Variants in MSI2 observed in about 807,000 individuals in gnomAD.
MSI2 encodes musashi RNA binding protein 2.
MSI2 carries 17 observed loss-of-function variants against 45.6 expected under a neutral mutation model. The observed-to-expected ratio is 0.37, with a 90% CI of 0.26 to 0.56. MSI2 has a LOEUF of 0.56. Among genes scored for constraint, MSI2 ranks in the 20% least tolerant of loss-of-function variants. MSI2 has a pLI of 0.77. For synonymous variants in MSI2, 156 were observed against 158.2 expected (o/e 0.99, Z 0.11); for missense variants, 293 against 444.2 (o/e 0.66, Z 3.06).
intron 6 of MSI2, among the ~76,000 whole-genome samples, chr17:57,420,673 G>A (rs1004515727): frequency 6.6e-6 from 1 of 152,172 alleles, no homozygotes; most frequent in African/African-American, 2.4e-5. Flanking sequence ...CTGCCCATCT[G>A]GCAAGCTCCA....
intron 5 of MSI2, among the ~76,000 whole-genome samples, chr17:57,272,883 AACACAGTGTGTATTTACTGAT>A (rs2143292783): frequency 6.6e-6 from 1 of 152,308 alleles, no homozygotes; most frequent in Admixed American, 6.5e-5. Context: ...AGTGGGTGGA[AACACAGTGTGTATTTACTGAT>A]ACACTCTATT....
chr17:57,519,573 C>A (rs1216084869), intron 6 of MSI2, among the ~76,000 whole-genome samples: 1 of 152,036 alleles, frequency 6.6e-6, no homozygotes, highest in African/African-American at 2.4e-5. Flanking sequence ...AGGAAGAGAC[C>A]CAATATCCTC....
chr17:57,482,480 C>T (rs572394615), intron 6 of MSI2, among the ~76,000 whole-genome samples: 2 of 152,246 alleles, frequency 1.3e-5, no homozygotes, highest in East Asian at 1.9e-4. Context: ...ATTGTACTTA[C>T]GAAATATATT....
the MSI2 span, among the ~76,000 whole-genome samples, chr17:57,697,527 C>T: frequency 6.6e-6 from 1 of 152,128 alleles, no homozygotes; most frequent in Non-Finnish European, 1.5e-5. Context: ...CTTGAAGTCG[C>T]CCTACCCATC....
At chr17:57,651,816 GA>G (rs879382405) in intron 10 of MSI2, among the ~76,000 whole-genome samples, 4 of 152,094 alleles carry the variant, frequency 2.6e-5, no homozygotes, top group Non-Finnish European at 4.4e-5. Flanking sequence ...TGCTTCTCAA[GA>G]AAAAAATTCC....
intron 11 of MSI2, among the ~76,000 whole-genome samples, chr17:57,655,186 G>A (rs1911503568): frequency 6.6e-6 from 1 of 152,112 alleles, no homozygotes; most frequent in South Asian, 2.1e-4. Flanking sequence ...CCCACCAGGT[G>A]AGGTCCCTGC....
rs3059122 is a variant in MSI2 at position 57,581,004 on chromosome 17, CTTTTTTT to C, written c.455-15844_455-15838del. Among the ~76,000 whole-genome samples the C allele has an allele frequency of 2.4e-4, 16 of 66,500 alleles. No homozygotes were observed. The East Asian group carries it at 5.1e-3, about 21-fold the overall frequency. The allele number at this position is 66,500 out of a possible 152,430, so 43.6% of individuals were successfully genotyped here. A position where few individuals can be genotyped will look rare whatever the true frequency, so the allele number is the denominator to read the frequency against. On this transcript the variant is annotated intron_variant, in intron 7 of 13. Coordinates refer to ENST00000284073, the MANE Select transcript of MSI2 (RefSeq NM_138962.4). Reference sequence around the variant, plus strand: ...CATGCCAGCCCCATGAGGTCAGCATCTTTTTTTTTTTTTTTTTTTTTTTTTTGAGACA... The same window carrying C: ...CATGCCAGCCCCATGAGGTCAGCATCTTTTTTTTTTTTTTTTTTTGAGACA...
chr17:57,691,205 ATC>A, the MSI2 span, among the ~76,000 whole-genome samples: 1 of 34,256 alleles, frequency 2.9e-5, no homozygotes. Flanking sequence ...TCTCTCATCT[ATC>A]TATCTATCTA....
At chr17:57,294,032 C>T (rs1910710225) in intron 5 of MSI2, among the ~76,000 whole-genome samples, 1 of 151,828 alleles carries the variant, frequency 6.6e-6, no homozygotes, top group African/African-American at 2.4e-5. Context: ...ACCTTGTGTG[C>T]ATCTCTGTGG....
chr17:57,469,472 C>T (rs1256601898), intron 6 of MSI2, among the ~76,000 whole-genome samples: 3 of 152,106 alleles, frequency 2.0e-5, no homozygotes, highest in Non-Finnish European at 4.4e-5. Context: ...ATGAGGGTGC[C>T]GAGTCAATGG....
At chr17:57,466,291 GT>G (rs1467655330) in intron 6 of MSI2, among the ~76,000 whole-genome samples, 2 of 152,246 alleles carry the variant, frequency 1.3e-5, no homozygotes, top group Non-Finnish European at 2.9e-5. Flanking sequence ...TGGGGTCTCT[GT>G]GGGTTCTTTA....
chr17:57,396,387 C>T (rs2083889203), intron 5 of MSI2, among the ~76,000 whole-genome samples: 1 of 137,312 alleles, frequency 7.3e-6, no homozygotes, highest in Non-Finnish European at 1.6e-5. Flanking sequence ...CTTCAACACA[C>T]ACACAAAACA....
At chr17:57,517,218 G>T (rs1470327753) in intron 6 of MSI2, among the ~76,000 whole-genome samples, 1 of 152,200 alleles carries the variant, frequency 6.6e-6, no homozygotes, top group South Asian at 2.1e-4. Context: ...GGACTCTAGG[G>T]ATGACTTTAG....
At chr17:57,531,711 C>T (rs2086824674) in intron 7 of MSI2, 1 of 152,164 alleles carries the variant, frequency 6.6e-6, no homozygotes, top group Admixed American at 6.5e-5. Context: ...AAGCCCTGTG[C>T]TGGGGGCTCA....
chr17:57,489,607 G>A (rs780856620), intron 6 of MSI2, among the ~76,000 whole-genome samples: 16 of 152,222 alleles, frequency 1.1e-4, no homozygotes, highest in Admixed American at 2.0e-4. Context: ...TGTGGGTTGC[G>A]TGCCTGGGAG....
intron 5 of MSI2, among the ~76,000 whole-genome samples, chr17:57,318,668 G>C (rs1210030947): frequency 6.6e-6 from 1 of 152,016 alleles, no homozygotes; most frequent in East Asian, 1.9e-4. Context: ...GGAGGGTCCC[G>C]GGGAGAAAAG....
intron 6 of MSI2, among the ~76,000 whole-genome samples, chr17:57,479,427 G>A (rs2085605742): frequency 6.6e-6 from 1 of 152,176 alleles, no homozygotes; most frequent in Non-Finnish European, 1.5e-5. Flanking sequence ...TCTGGACTCA[G>A]TGTTCCTGAT....
At chr17:57,370,761 A>G (rs1225236271) in intron 5 of MSI2, among the ~76,000 whole-genome samples, 2 of 152,184 alleles carry the variant, frequency 1.3e-5, no homozygotes, top group African/African-American at 4.8e-5. Context: ...CTTTACCCAG[A>G]GACTTGCGCT....
At chr17:57,691,293 C>G in the MSI2 span, among the ~76,000 whole-genome samples, 491 of 152,030 alleles carry the variant, frequency 3.2e-3, 5 homozygotes, top group Non-Finnish European at 4.8e-3. Flanking sequence ...GTATTGCGAT[C>G]AGGTAGAGTG....
Sources: gnomAD v4.1 joint callset for allele counts (sites outside exome capture counted in the v4.1 genomes callset) on GRCh38, gnomAD v4.1.1 for gene constraint, MANE v1.5 for transcripts, NCBI Gene and HGNC (gene_info 2026-07-23, HGNC 2026-07-21) for gene names.